DYSF: variants seen among roughly 807,000 people sequenced by gnomAD.
DYSF encodes dystrophy-associated fer-1-like 1.
In DYSF, 212 loss-of-function variants were observed where a neutral mutation model predicts 274.9. The observed-to-expected ratio is 0.77, with a 90% CI of 0.69 to 0.86. The LOEUF is 0.86. DYSF is among the 40% of genes least tolerant of loss of function. The probability of loss-of-function intolerance (pLI) is 0.00; values close to 1 mark genes in which losing one functional copy is unlikely to be tolerated. For missense variants in DYSF, 2,666 were observed against 2,783.2 expected (o/e 0.96, Z 0.95); for synonymous variants, 1,091 against 1,078.7 (o/e 1.01, Z -0.22).
intron 24 of DYSF, among the ~76,000 whole-genome samples, chr2:71,566,607 C>T (rs912087515): frequency 9.9e-5 from 15 of 151,386 alleles, no homozygotes; most frequent in African/African-American, 1.7e-4. Flanking sequence ...AGGCTGGCCC[C>T]GTCTCGGGGA....
chr2:71,637,802 A>T (rs1317228663), intron 41 of DYSF, among the ~76,000 whole-genome samples: 1 of 152,192 alleles, frequency 6.6e-6, no homozygotes, highest in East Asian at 1.9e-4. Context: ...AGAAAATATT[A>T]GTTAATATGT....
intron 41 of DYSF, among the ~76,000 whole-genome samples, chr2:71,642,147 C>G (rs2094496044): frequency 6.6e-6 from 1 of 152,208 alleles, no homozygotes; most frequent in African/African-American, 2.4e-5. Flanking sequence ...GGTTGTCTGT[C>G]TGTGCCTGAC....
chr2:71,630,143 T>G (rs1157289834), intron 41 of DYSF, among the ~76,000 whole-genome samples: 2 of 152,250 alleles, frequency 1.3e-5, no homozygotes, highest in African/African-American at 4.8e-5. Flanking sequence ...AGTTAGATTC[T>G]TTCCATAAAT....
chr2:71,547,388 C>T (rs1233979433), intron 17 of DYSF, among the ~76,000 whole-genome samples: 1 of 152,170 alleles, frequency 6.6e-6, no homozygotes, highest in Non-Finnish European at 1.5e-5. Flanking sequence ...TGGCTCACAC[C>T]TGTAATCCCA....
At chr2:71,607,347 T>G (rs1387501475) in intron 36 of DYSF, among the ~76,000 whole-genome samples, 11 of 152,120 alleles carry the variant, frequency 7.2e-5, no homozygotes. Flanking sequence ...AGGTGGTTCA[T>G]CACTACTTGG....
chr2:71,514,385 C>T (rs940792064), intron 7 of DYSF, among the ~76,000 whole-genome samples: 10 of 152,112 alleles, frequency 6.6e-5, no homozygotes, highest in African/African-American at 1.9e-4. Flanking sequence ...CTCAAAGAAG[C>T]TCTGTCTAAC....
chr2:71,464,431 AG>A (rs1190884152), upstream of DYSF, among the ~76,000 whole-genome samples: 3 of 152,240 alleles, frequency 2.0e-5, no homozygotes, highest in Non-Finnish European at 4.4e-5. Flanking sequence ...GAGATGAAAG[AG>A]GGAAAGTTGT....
intron 47 of DYSF, among the ~76,000 whole-genome samples, chr2:71,666,133 TC>T (rs1380840007): frequency 6.6e-6 from 1 of 151,396 alleles, no homozygotes; most frequent in Middle Eastern, 3.2e-3. Context: ...CTGCCCCCCT[TC>T]ATTCCCTTTT....
intron 11 of DYSF, 122 bp downstream of exon 11, chr2:71,520,330 C>T (rs2087118913): frequency 1.8e-6 from 2 of 1,125,726 alleles, no homozygotes; most frequent in East Asian, 2.3e-5. Flanking sequence ...AGGGTTTGAT[C>T]TTGGGAGAGA....
intron 8 of DYSF, 127 bp downstream of exon 8, chr2:71,515,878 C>T: frequency 7.2e-7 from 1 of 1,397,692 alleles, no homozygotes; most frequent in Non-Finnish European, 9.8e-7. Context: ...GTGAGATGTG[C>T]TGGCTCCCAA....
intron 35 of DYSF, among the ~76,000 whole-genome samples, chr2:71,602,498 C>T (rs1459114791): frequency 6.6e-6 from 1 of 152,214 alleles, no homozygotes; most frequent in Non-Finnish European, 1.5e-5. Context: ...CCAGAGATTC[C>T]TGGCGTCCAG....
At chr2:71,526,411 T>TGGGGG in intron 13 of DYSF, 65 bp downstream of exon 13, 4 of 306,906 alleles carry the variant, frequency 1.3e-5, no homozygotes, top group Non-Finnish European at 1.5e-5. Flanking sequence ...CTGGTGGGGG[T>TGGGGG]GGGCGATGGC....
chr2:71,527,215 C>T (rs1293587863), intron 13 of DYSF, among the ~76,000 whole-genome samples: 2 of 152,084 alleles, frequency 1.3e-5, no homozygotes, highest in East Asian at 3.9e-4. Context: ...TGGTGAGGCC[C>T]CGCTGTGAGC....
intron 41 of DYSF, among the ~76,000 whole-genome samples, chr2:71,637,237 G>A (rs2094418833): frequency 6.6e-6 from 1 of 152,156 alleles, no homozygotes; most frequent in Admixed American, 6.5e-5. Flanking sequence ...TGGTGACACA[G>A]GAGAGGGTGA....
intron 42 of DYSF, among the ~76,000 whole-genome samples, chr2:71,650,314 C>T (rs1417871563): frequency 1.3e-5 from 2 of 152,014 alleles, no homozygotes; most frequent in Non-Finnish European, 2.9e-5. Context: ...AACTCTGTCT[C>T]TACAAAAAAT....
chr2:71,465,293 A>G (rs918951143), upstream of DYSF, among the ~76,000 whole-genome samples: 6 of 152,156 alleles, frequency 3.9e-5, no homozygotes, highest in Non-Finnish European at 5.9e-5. Context: ...ATTCATTTGT[A>G]GGAACAGGAG....
rs568165516 is a variant in DYSF, at chr2:71,492,550, T to C, written c.239+10580T>C. ...AGAAATGGATACATGGTAACCCTTC[T>C]GGAACATTTTTTTTAATTCAAATTT... is the stretch of plus-strand genomic sequence containing the variant. On this transcript the variant is annotated intron_variant, in intron 3 of 55. Transcript: ENST00000410020. Among the ~76,000 whole-genome samples the C allele has an allele frequency of 5.9e-5, 9 of 152,340 alleles. 1 individual carries two copies. The highest frequency in any genetic ancestry group is 2.6e-4 in the Admixed American group (4 of 15,304).
At chr2:71,463,252 C>A (rs529758057), upstream of DYSF, among the ~76,000 whole-genome samples, 2 of 152,366 alleles carry the variant, frequency 1.3e-5, no homozygotes, top group East Asian at 3.9e-4. Context: ...GTGCACACAT[C>A]TGGCTGGGTT....
Position 71,466,794 on chromosome 2 carries a change from C to A in DYSF, c.-49C>A. Reference sequence around the variant, plus strand: ...GGGTGGGTGCTCGGGCCCGGTGCTCCCGCTCCCGCCCTGACTGCGCGCCTG... The same window carrying A: ...GGGTGGGTGCTCGGGCCCGGTGCTCACGCTCCCGCCCTGACTGCGCGCCTG... On this transcript the variant is annotated 5_prime_UTR_variant, in exon 1 of 56. Transcript: ENST00000410020. 1 of 1,459,480 alleles carries A rather than the reference C, an allele frequency of 6.9e-7. No homozygotes were observed. Among genetic ancestry groups the A allele is most frequent in the Non-Finnish European group, 9.2e-7 (1 of 1,092,160 alleles). The allele number at this position is 1,459,480 out of a possible 1,614,324, so 90.4% of individuals were successfully genotyped here. A position where few individuals can be genotyped will look rare whatever the true frequency, so the allele number is the denominator to read the frequency against.
Sources: allele counts gnomAD v4.1 joint callset (sites outside exome capture counted in the v4.1 genomes callset), GRCh38; gene constraint gnomAD v4.1.1; transcripts MANE v1.5; gene names NCBI Gene and HGNC (gene_info 2026-07-23, HGNC 2026-07-21).